RTL4: variants seen among roughly 807,000 people sequenced by gnomAD.
RTL4 encodes the protein retrotransposon Gag-like protein 4.
RTL4 carries 4 observed loss-of-function variants against 5.3 expected under a neutral mutation model. That is an observed-to-expected ratio of 0.75 (90% CI 0.37 to 1.72). The LOEUF (loss-of-function observed/expected upper bound fraction) is 1.72, where lower values mean the gene tolerates loss of function less well. Ranked by LOEUF, RTL4 falls within the 40% of genes most tolerant of loss-of-function variation. The pLI is 0.04. For missense variants in RTL4, 260 were observed against 227.1 expected (o/e 1.14, Z -0.93); for synonymous variants, 98 against 87.3 (o/e 1.12, Z -0.68).
chrX:112,454,015 G>A (rs182399816), upstream of RTL4, among the ~76,000 whole-genome samples: 143 of 111,583 alleles, frequency 1.3e-3, 1 homozygote, highest in Non-Finnish European at 1.8e-3. Flanking sequence ...ACCTCTCTGG[G>A]TCTCTGTTTT....
In RTL4 at chrX:112,455,582, A is replaced by C. The variant is rs370050347; in HGVS notation, c.854A>C (p.Gln285Pro). 6.4e-5 allele frequency: 78 copies of C among 1,209,878 alleles called. No homozygotes were observed. In the South Asian group the frequency reaches 8.3e-4, roughly 13 times the overall value. ...ACTCAGTTGTGCCTCTACTGCAGCCAATCTGGTCACTTCACAAGAGATTGC... is the reference window on the plus strand; with the variant it reads ...ACTCAGTTGTGCCTCTACTGCAGCCCATCTGGTCACTTCACAAGAGATTGC... The change falls in exon 1 of 1, where the codon CAA becomes CCA. Residue 285 changes from glutamine (Q) to proline (P), a missense_variant. Transcript: ENST00000340433.
At chrX:112,180,628 C>G in the RTL4 span, among the ~76,000 whole-genome samples, 1 of 111,873 alleles carries the variant, frequency 8.9e-6, no homozygotes, top group African/African-American at 3.2e-5. Flanking sequence ...TCATCCCATC[C>G]TTATACTTTG....
At chrX:112,099,021 A>G in the RTL4 span, among the ~76,000 whole-genome samples, 3 of 112,365 alleles carry the variant, frequency 2.7e-5, no homozygotes, top group Non-Finnish European at 3.8e-5. Context: ...AACAAAAGCC[A>G]AAATTGACAA....
the RTL4 span, among the ~76,000 whole-genome samples, chrX:112,173,267 T>G: frequency 1.8e-5 from 2 of 111,398 alleles, no homozygotes; most frequent in African/African-American, 6.5e-5. Context: ...GATCCTAGAT[T>G]TTTAAAAATT....
chrX:112,319,541 G>T, the RTL4 span, among the ~76,000 whole-genome samples: 1 of 111,194 alleles, frequency 9.0e-6, no homozygotes. Flanking sequence ...TAAATATATA[G>T]TTCTATGTGT....
chrX:112,367,407 G>A, the RTL4 span, among the ~76,000 whole-genome samples: 14 of 111,303 alleles, frequency 1.3e-4, no homozygotes, highest in African/African-American at 3.9e-4. Flanking sequence ...GTTCCTAAAG[G>A]CATTATTGCA....
the RTL4 span, among the ~76,000 whole-genome samples, chrX:112,342,514 A>G: frequency 2.5e-5 from 2 of 81,458 alleles, no homozygotes; most frequent in Non-Finnish European, 5.2e-5. Context: ...AATCTTGCCA[A>G]GTGATTGTTT....
the RTL4 span, among the ~76,000 whole-genome samples, chrX:112,395,949 TTTAA>T: frequency 9.0e-6 from 1 of 111,418 alleles, no homozygotes; most frequent in Non-Finnish European, 1.9e-5. Context: ...TAAAAATTTG[TTTAA>T]TTATATGATT....
At chrX:112,424,978 G>C in the RTL4 span, among the ~76,000 whole-genome samples, 8,091 of 110,704 alleles carry the variant, frequency 0.073, 536 homozygotes, top group African/African-American at 0.22. Flanking sequence ...CACTCTTGCT[G>C]TTGTACATTC....
At chrX:112,116,560 C>G in the RTL4 span, among the ~76,000 whole-genome samples, 9 of 111,755 alleles carry the variant, frequency 8.1e-5, no homozygotes, top group Non-Finnish European at 1.7e-4. Context: ...GTCCATTTTA[C>G]AAACCTCTAG....
At chrX:112,340,583 G>T in the RTL4 span, among the ~76,000 whole-genome samples, 2 of 103,674 alleles carry the variant, frequency 1.9e-5, no homozygotes, top group Admixed American at 1.0e-4. Context: ...TCATCTTTTC[G>T]GCGGGGGTGG....
the RTL4 span, among the ~76,000 whole-genome samples, chrX:112,210,034 G>C: frequency 8.9e-6 from 1 of 111,940 alleles, no homozygotes; most frequent in South Asian, 3.8e-4. Flanking sequence ...CCAAGTGGCA[G>C]AGCAGCTTGC....
the RTL4 span, among the ~76,000 whole-genome samples, chrX:112,306,352 CT>C: frequency 8.9e-6 from 1 of 111,735 alleles, no homozygotes. Flanking sequence ...GGAACTATCT[CT>C]TTTCTAGAAT....
At chrX:112,382,033 G>C in the RTL4 span, 1 of 1,209,435 alleles carries the variant, frequency 8.3e-7, no homozygotes, top group East Asian at 3.0e-5. Context: ...AGCAAGCCCA[G>C]AAACTAACGG....
the RTL4 span, among the ~76,000 whole-genome samples, chrX:112,099,200 C>T: frequency 7.2e-5 from 8 of 111,683 alleles, no homozygotes; most frequent in Admixed American, 3.8e-4. Flanking sequence ...AAAAAACAAA[C>T]AACCCCATCA....
chrX:112,233,371 A>G, the RTL4 span, among the ~76,000 whole-genome samples: 1 of 106,842 alleles, frequency 9.4e-6, no homozygotes, highest in Non-Finnish European at 1.9e-5. Flanking sequence ...GTCTAAACAC[A>G]TTTTTTTTTT....
At chrX:112,443,158 C>A in the RTL4 span, among the ~76,000 whole-genome samples, 24 of 111,748 alleles carry the variant, frequency 2.1e-4, no homozygotes, top group African/African-American at 7.5e-4. Flanking sequence ...ATTTTTATAT[C>A]CAACAAATAG....
chrX:112,259,398 A>T, the RTL4 span, among the ~76,000 whole-genome samples: 1 of 111,133 alleles, frequency 9.0e-6, no homozygotes, highest in Admixed American at 9.6e-5. Context: ...AACAATATGA[A>T]AGTTAATCAT....
the RTL4 span, among the ~76,000 whole-genome samples, chrX:112,179,290 T>C: frequency 7.2e-5 from 8 of 111,156 alleles, no homozygotes; most frequent in African/African-American, 9.8e-5. Flanking sequence ...GTAGTAATGC[T>C]TCTGCTCCAT....
Sources: gnomAD v4.1 joint callset for allele counts (sites outside exome capture counted in the v4.1 genomes callset) on GRCh38, gnomAD v4.1.1 for gene constraint, MANE v1.5 for transcripts, NCBI Gene and HGNC (gene_info 2026-07-23, HGNC 2026-07-21) for gene names.